FRMPD4: variants seen among roughly 807,000 people sequenced by gnomAD.
FRMPD4 encodes FERM and PDZ domain-containing protein 4.
Under a neutral mutation model 94.1 loss-of-function variants are expected in FRMPD4, and 22 were observed. The observed-to-expected ratio is 0.23, with a 90% CI of 0.17 to 0.33. FRMPD4 has a LOEUF of 0.33. Among genes scored for constraint, FRMPD4 ranks in the 10% least tolerant of loss-of-function variants. FRMPD4 has a pLI of 1.00. For missense variants in FRMPD4, 1,111 were observed against 1,339.9 expected, an observed-to-expected ratio of 0.83 and a Z score of 2.67; for synonymous variants, 631 against 548.6, an observed-to-expected ratio of 1.15 and a Z score of -2.10.
chrX:12,064,555 T>C lies in FRMPD4; in HGVS notation c.95+186537T>C, dbSNP rs888447866. ...TCAGGTGCCTTTTTCTAGAGGTGAA[T>C]GAAGGCATGTTTTAAATCTATTACT... On this transcript the variant is annotated intron_variant, in intron 3 of 18. Coordinates refer to the FRMPD4 transcript ENST00000640291. Among the ~76,000 whole-genome samples the C allele has an allele frequency of 9.8e-5, 11 of 111,986 alleles. No individual in the cohort carries two copies. In the East Asian group the frequency reaches 2.0e-3, roughly 20 times the overall value.
chrX:12,217,322 C>A (rs1371221182), intron 1 of FRMPD4, among the ~76,000 whole-genome samples: 2 of 111,461 alleles, frequency 1.8e-5, no homozygotes, highest in Non-Finnish European at 3.8e-5. Flanking sequence ...GGAAGTAGAT[C>A]ATAAACATGA....
rs1288825852 is a variant in FRMPD4, at chrX:12,107,416, G to T, written c.95+229398G>T. Among the ~76,000 whole-genome samples, 5 of 111,778 alleles carry T rather than the reference G, an allele frequency of 4.5e-5. No homozygotes were observed. The Admixed American group carries it at 4.8e-4, about 11-fold the overall frequency. On this transcript the variant is annotated intron_variant, in intron 3 of 18. Transcript: ENST00000640291. Reference sequence around the variant, plus strand: ...CCACCTGTACGTCACCATCATCAAAGACCAAAGGTAGATGAAACCACAAAG... The same window carrying T: ...CCACCTGTACGTCACCATCATCAAATACCAAAGGTAGATGAAACCACAAAG...
At chrX:11,894,230 C>T (rs753627828) in intron 3 of FRMPD4, among the ~76,000 whole-genome samples, 23 of 111,816 alleles carry the variant, frequency 2.1e-4, no homozygotes, top group African/African-American at 7.1e-4. Flanking sequence ...TGTCTGGTTC[C>T]GCTGCTCTGG....
intron 1 of FRMPD4, among the ~76,000 whole-genome samples, chrX:12,295,376 A>G (rs1425466089): frequency 7.1e-5 from 8 of 112,218 alleles, no homozygotes; most frequent in Non-Finnish European, 1.3e-4. Flanking sequence ...GAGGGAGCCC[A>G]TGTCTTCTTG....
intron 3 of FRMPD4, among the ~76,000 whole-genome samples, chrX:11,986,854 T>C (rs1467724731): frequency 9.1e-6 from 1 of 109,297 alleles, no homozygotes; most frequent in Admixed American, 9.8e-5. Context: ...TATTGAACCA[T>C]CAAGAAACCT....
chrX:12,312,284 G>C, intron 1 of FRMPD4, among the ~76,000 whole-genome samples: 1 of 77,612 alleles, frequency 1.3e-5, no homozygotes, highest in African/African-American at 5.5e-5. Flanking sequence ...ATGGAGTCTC[G>C]CTCTGTTGCC....
At chrX:12,477,471 G>C (rs1383599758) in intron 1 of FRMPD4, among the ~76,000 whole-genome samples, 1 of 112,339 alleles carries the variant, frequency 8.9e-6, no homozygotes, top group African/African-American at 3.2e-5. Context: ...AATAAAAAAA[G>C]AAAGTACAGC....
At chrX:12,701,821 CG>C in intron 9 of FRMPD4, 52 bp from the exon 10 acceptor site, 1 of 1,176,047 alleles carries the variant, frequency 8.5e-7, no homozygotes, top group Non-Finnish European at 1.2e-6. Flanking sequence ...TGTAAGTCCA[CG>C]CGCTGCGGCC....
intron 2 of FRMPD4, among the ~76,000 whole-genome samples, chrX:12,556,013 C>T (rs1415758294): frequency 1.8e-5 from 2 of 110,886 alleles, no homozygotes; most frequent in Non-Finnish European, 3.8e-5. Context: ...AACTCTTGGG[C>T]TCAAGCAGTC....
rs1168362759 is a variant in FRMPD4 at position 11,926,912 on chromosome X, C to T, written c.95+48894C>T. Among the ~76,000 whole-genome samples, 3 of 111,244 alleles carry T rather than the reference C, an allele frequency of 2.7e-5. No individual in the cohort carries two copies. The East Asian group carries it at 8.4e-4, about 31-fold the overall frequency. On this transcript the variant is annotated intron_variant, in intron 3 of 18. Transcript: ENST00000640291. Reference sequence around the variant, plus strand: ...AGTCCTGGCCAGGGAAATTAGCCAACAGAAAGAAATAAATGGTATCCAAAT... The same window carrying T: ...AGTCCTGGCCAGGGAAATTAGCCAATAGAAAGAAATAAATGGTATCCAAAT...
intron 3 of FRMPD4, among the ~76,000 whole-genome samples, chrX:11,974,134 T>C (rs977668901): frequency 7.2e-5 from 8 of 111,257 alleles, no homozygotes; most frequent in Non-Finnish European, 1.5e-4. Flanking sequence ...TCAATATGGC[T>C]ATAGTTTGGA....
intron 1 of FRMPD4, among the ~76,000 whole-genome samples, chrX:12,482,729 A>G (rs1277477051): frequency 8.9e-6 from 1 of 112,448 alleles, no homozygotes; most frequent in Non-Finnish European, 1.9e-5. Context: ...GCTTAACCCA[A>G]CGTGTCTAAA....
intron 1 of FRMPD4, among the ~76,000 whole-genome samples, chrX:12,331,713 A>AT (rs1477111923): frequency 4.5e-5 from 2 of 44,124 alleles, no homozygotes; most frequent in Non-Finnish European, 7.7e-5. Context: ...TATAATATAT[A>AT]ATTTATATAT....
intron 1 of FRMPD4, among the ~76,000 whole-genome samples, chrX:12,333,800 A>G (rs66865949): frequency 0.16 from 18,168 of 111,453 alleles, 1,179 homozygotes; most frequent in Non-Finnish European, 0.2. Flanking sequence ...TATAAAAAGC[A>G]TACACGCTCC....
intron 4 of FRMPD4, among the ~76,000 whole-genome samples, chrX:12,644,014 A>G (rs2059524156): frequency 8.9e-6 from 1 of 112,351 alleles, no homozygotes; most frequent in South Asian, 3.7e-4. Context: ...CATTTTACAG[A>G]CTTTATATAT....
chrX:12,183,094 T>C (rs2056380911), intron 1 of FRMPD4, among the ~76,000 whole-genome samples: 1 of 97,332 alleles, frequency 1.0e-5, no homozygotes, highest in Non-Finnish European at 2.1e-5. Context: ...TTCTCATCTA[T>C]AAAATGTCAT....
chrX:12,514,117 G>A (rs750607360), intron 2 of FRMPD4, among the ~76,000 whole-genome samples: 1 of 111,671 alleles, frequency 9.0e-6, no homozygotes, highest in Non-Finnish European at 1.9e-5. Flanking sequence ...AAGCTTTGGG[G>A]CTGAGATGAT....
chrX:12,011,252 ACATTACT>A (rs1569142148), intron 3 of FRMPD4, among the ~76,000 whole-genome samples: 1 of 111,992 alleles, frequency 8.9e-6, no homozygotes, highest in Non-Finnish European at 1.9e-5. Context: ...GCTGCTTCAC[ACATTACT>A]CATCAATCCA....
chrX:12,397,779 G>T (rs903251055), intron 1 of FRMPD4, among the ~76,000 whole-genome samples: 1 of 111,138 alleles, frequency 9.0e-6, no homozygotes, highest in African/African-American at 3.3e-5. Context: ...TTCCAGAAAA[G>T]CCGCAAGCCC....
Sources: gnomAD v4.1 joint callset for allele counts (sites outside exome capture counted in the v4.1 genomes callset) on GRCh38, gnomAD v4.1.1 for gene constraint, MANE v1.5 for transcripts, NCBI Gene and HGNC (gene_info 2026-07-23, HGNC 2026-07-21) for gene names.